Variants in FLAD1 observed in about 807,000 individuals in gnomAD.
The protein encoded by FLAD1 is bifunctional FAD diphosphatase/FAD synthase.
Under a neutral mutation model 55.0 loss-of-function variants are expected in FLAD1, and 35 were observed. The ratio of observed to expected loss-of-function variants is 0.64; its 90% CI spans 0.49 to 0.84. FLAD1 has a LOEUF of 0.84. Ranked by LOEUF, FLAD1 falls within the 40% of genes least tolerant of loss-of-function variation. FLAD1 has a pLI of 0.00. For missense variants in FLAD1, 665 were observed against 742.6 expected (o/e 0.90, Z 1.21); for synonymous variants, 267 against 303.0 (o/e 0.88, Z 1.23).
intron 5 of FLAD1, among the ~76,000 whole-genome samples, chr1:154,992,142 C>CAAAAAA (rs35484260): frequency 1.5e-5 from 1 of 68,900 alleles, no homozygotes. Context: ...GACTCCGTCT[C>CAAAAAA]AAAAAAAAAA....
rs749772991 is a variant in FLAD1 at position 154,985,031 on chromosome 1, A to ATTTTT, written c.372+994_372+998dup. On this transcript the variant is annotated intron_variant, in intron 1 of 6. Coordinates refer to ENST00000292180, the MANE Select transcript of FLAD1 (RefSeq NM_025207.5). ...AGGTGTTAGCCGCCACACCTGGCTAATTTTTTTTTTTTTTTTTTTTTTTTT... is the reference window on the plus strand; with the variant it reads ...AGGTGTTAGCCGCCACACCTGGCTAATTTTTTTTTTTTTTTTTTTTTTTTTTTTTT... Among the ~76,000 whole-genome samples, 64 of 32,584 alleles carry ATTTTT rather than the reference A, an allele frequency of 2.0e-3. 5 individuals are homozygous for ATTTTT. In the East Asian group the frequency reaches 0.024, roughly 12 times the overall value. 21.4% of individuals were successfully genotyped at this position (32,584 alleles called of 152,430 possible). A position where few individuals can be genotyped will look rare whatever the true frequency, so the allele number is the denominator to read the frequency against.
intron 1 of FLAD1, chr1:154,987,754 T>G: frequency 2.3e-6 from 1 of 428,160 alleles, no homozygotes; most frequent in Non-Finnish European, 4.2e-6. Flanking sequence ...CTGGGCAACA[T>G]GGCAAGACCC....
At position 154,988,487 on chromosome 1, in the gene FLAD1, A is replaced by C. The variant is rs754464306; in HGVS notation, c.755A>C (p.Tyr252Ser). ...CCTCTGGTCTCCGTCCGAAACGTCT[A>C]CCTCTTCCCAGGCATTCCAGAGCTG... ...RFPLVSVRNV[Y>S]LFPGIPELLR... Residue 252 changes from tyrosine (Y) to serine (S), a missense_variant, in exon 2 of 7, where the codon TAC (tyrosine) becomes TCC (serine). Transcript: ENST00000292180. 2 of 1,614,152 alleles carry C rather than the reference A, an allele frequency of 1.2e-6. No individual in the cohort carries two copies. Among genetic ancestry groups the C allele is most frequent in the Non-Finnish European group, 1.7e-6 (2 of 1,180,018 alleles).
rs1258748448 is a variant in FLAD1, at chr1:154,988,248, T to C, written c.516T>C (p.His172=). 6 of 1,614,082 alleles carry C rather than the reference T, an allele frequency of 3.7e-6. No individual in the cohort carries two copies. Among genetic ancestry groups the C allele is most frequent in the Non-Finnish European group, 5.1e-6 (6 of 1,180,034 alleles). ...EVTSFSNRFT[H]VLTAGGIGPT... The stretch of plus-strand genomic sequence containing the variant: ...CTTCTTTCTCCAACCGCTTCACCCA[T>C]GTCCTCACAGCAGGGGGCATCGGCC... The change falls in exon 2 of 7, where the codon CAT becomes CAC. Residue 172 remains histidine, a synonymous_variant. Transcript: ENST00000292180.
At chr1:154,984,444 T>C (rs750668863) in intron 1 of FLAD1, among the ~76,000 whole-genome samples, 2 of 152,036 alleles carry the variant, frequency 1.3e-5, no homozygotes, top group Non-Finnish European at 2.9e-5. Context: ...CCGGGTGCGG[T>C]GGCTCACGCA....
At chr1:154,992,316 G>A (rs1417750111) in intron 5 of FLAD1, among the ~76,000 whole-genome samples, 3 of 151,410 alleles carry the variant, frequency 2.0e-5, no homozygotes, top group East Asian at 1.9e-4. Context: ...AGTGGTGGGC[G>A]CCTGTAGTGC....
intron 1 of FLAD1, chr1:154,987,778 A>C: frequency 2.0e-6 from 1 of 509,362 alleles, no homozygotes; most frequent in East Asian, 3.5e-5. Flanking sequence ...TTCTACAAAA[A>C]AAATTTAAAA....
intron 1 of FLAD1, 114 bp from the exon 2 acceptor site, chr1:154,987,991 G>A (rs747798837): frequency 6.3e-7 from 1 of 1,578,550 alleles, no homozygotes; most frequent in Admixed American, 1.8e-5. Flanking sequence ...AGCCTGAGGT[G>A]GTGTCCTTCA....
In FLAD1 at chr1:154,992,731, A is replaced by C. The variant is rs1345578025; in HGVS notation, c.1573A>C (p.Ile525Leu). 8 of 1,614,050 alleles carry C rather than the reference A, an allele frequency of 5.0e-6. No individual in the cohort carries two copies. Among genetic ancestry groups the C allele is most frequent in the Non-Finnish European group, 5.1e-6 (6 of 1,180,026 alleles). Residue 525 changes from isoleucine to leucine, a missense_variant, in exon 6 of 7, where the codon ATC becomes CTC. Physicochemically the swap from Ile to Leu is conservative, Grantham distance 5. Coordinates refer to ENST00000292180, the MANE Select transcript of FLAD1 (RefSeq NM_025207.5). ...CTCCCAGGACTGGACCTACAGAGAC[A>C]TCTGGGATTTTCTGCGTCAGCTGTT... ...NPLLDWTYRD[I>L]WDFLRQLFVP...
chr1:154,992,725 A>G lies in FLAD1; in HGVS notation c.1567A>G (p.Arg523Gly). 2 of 1,614,158 alleles carry G rather than the reference A, an allele frequency of 1.2e-6. No individual in the cohort carries two copies. The highest frequency in any genetic ancestry group is 1.7e-6 in the Non-Finnish European group (2 of 1,180,022). Residue 523 changes from arginine (R) to glycine (G), a missense_variant, in exon 6 of 7, where the codon AGA (arginine) becomes GGA (glycine). By Grantham distance (125) the Arg-to-Gly change is moderately radical. Transcript: ENST00000292180. ...TCTGACCTCCCAGGACTGGACCTAC[A>G]GAGACATCTGGGATTTTCTGCGTCA... The part of the protein sequence containing the change: ...RINPLLDWTY[R>G]DIWDFLRQLF...
chr1:154,985,031 ATTTTTTTTT>A (rs749772991), intron 1 of FLAD1, among the ~76,000 whole-genome samples: 15 of 32,586 alleles, frequency 4.6e-4, no homozygotes, highest in Non-Finnish European at 6.8e-4. Context: ...CACCTGGCTA[ATTTTTTTTT>A]TTTTTTTTTT....
At chr1:154,984,157 G>A in intron 1 of FLAD1, 91 bp downstream of exon 1, 1 of 1,213,496 alleles carries the variant, frequency 8.2e-7, no homozygotes, top group East Asian at 2.7e-5. Context: ...AGGTGAAACA[G>A]GGTGGGAGCC....
Position 154,983,596 on chromosome 1 carries a change from G to A in FLAD1, c.-99G>A, listed in dbSNP as rs1307251722. On this transcript the variant is annotated 5_prime_UTR_variant, in exon 1 of 7. Coordinates refer to ENST00000292180, the MANE Select transcript of FLAD1 (RefSeq NM_025207.5). ...GATGCCCAAGGTAGAGCAGACACTT[G>A]AGGAGACCAGCTCAGCAAACGGAAG... The A allele has an allele frequency of 1.5e-6, 2 of 1,315,560 alleles. No individual in the cohort carries two copies. Among genetic ancestry groups the A allele is most frequent in the Non-Finnish European group, 2.1e-6 (2 of 956,914 alleles). The allele number at this position is 1,315,560 out of a possible 1,614,324, so 81.5% of individuals were successfully genotyped here.
chr1:154,992,585 CAGAT>C lies in FLAD1; in HGVS notation c.1555-125_1555-122del, dbSNP rs747052742. On this transcript the variant is annotated intron_variant, in intron 5 of 6. Coordinates refer to ENST00000292180, the MANE Select transcript of FLAD1 (RefSeq NM_025207.5). ...CATAGAGCAAGCTATACCAGAGAATCAGATAGCAAGCCCTCCCTCAGAGGCCAAG... is the reference window on the plus strand; with the variant it reads ...CATAGAGCAAGCTATACCAGAGAATCAGCAAGCCCTCCCTCAGAGGCCAAG... 1.4e-5 allele frequency: 23 copies of C among 1,613,948 alleles called. No individual in the cohort carries two copies. The Admixed American group carries it at 1.5e-4, about 11-fold the overall frequency.
At chr1:154,988,982 ATTC>A (rs1219399147) in intron 2 of FLAD1, 133 bp downstream of exon 2, 3 of 1,494,638 alleles carry the variant, frequency 2.0e-6, no homozygotes, top group African/African-American at 2.8e-5. Context: ...TTAATTCATT[ATTC>A]TTCCAATAAA....
intron 1 of FLAD1, chr1:154,987,809 G>A (rs952331290): frequency 1.3e-5 from 8 of 617,484 alleles, no homozygotes; most frequent in African/African-American, 7.5e-5. Flanking sequence ...GTGGTGGCAC[G>A]CGCCTGTAGT....
intron 4 of FLAD1, 40 bp downstream of exon 4, chr1:154,990,297 G>C (rs1304357076): frequency 1.2e-6 from 2 of 1,613,574 alleles, no homozygotes; most frequent in South Asian, 1.1e-5. Context: ...AGAGAAGCTT[G>C]ACAGAGCCCA....
intron 1 of FLAD1, among the ~76,000 whole-genome samples, chr1:154,986,004 A>G (rs1657578112): frequency 6.7e-6 from 1 of 148,244 alleles, no homozygotes; most frequent in Non-Finnish European, 1.5e-5. Flanking sequence ...GGGAGGCATG[A>G]GCCACTGCGC....
At chr1:154,992,545 C>T (rs1322152845) in intron 5 of FLAD1, 168 bp from the exon 6 acceptor site, 2 of 1,606,506 alleles carry the variant, frequency 1.2e-6, no homozygotes. Context: ...AAGTCCTTCT[C>T]TTTCTCTTTG....
Sources: gnomAD v4.1 joint callset for allele counts (sites outside exome capture counted in the v4.1 genomes callset) on GRCh38, gnomAD v4.1.1 for gene constraint, MANE v1.5 for transcripts, NCBI Gene and HGNC (gene_info 2026-07-23, HGNC 2026-07-21) for gene names.